Variants in TMEM132D observed in about 807,000 individuals in gnomAD.
TMEM132D encodes mature OL transmembrane protein.
In TMEM132D, 21 loss-of-function variants were observed where a neutral mutation model predicts 62.3. That is an observed-to-expected ratio of 0.34 (90% confidence interval 0.24 to 0.49). The LOEUF is 0.49. Ranked by LOEUF, TMEM132D falls within the 20% of genes least tolerant of loss-of-function variation. The probability of loss-of-function intolerance (pLI) is 0.99; values close to 1 mark genes in which losing one functional copy is unlikely to be tolerated. For synonymous variants in TMEM132D, 621 were observed against 575.6 expected, an observed-to-expected ratio of 1.08 and a Z score of -1.13; for missense variants, 1,346 against 1,402.8, an observed-to-expected ratio of 0.96 and a Z score of 0.65.
At chr12:129,203,964 C>T (rs10847794) in intron 5 of TMEM132D, among the ~76,000 whole-genome samples, 67,278 of 152,006 alleles carry the variant, frequency 0.44, 15,109 homozygotes, top group Middle Eastern at 0.55. Context: ...GCCAGTCAAC[C>T]GAACCCACCT....
intron 1 of TMEM132D, among the ~76,000 whole-genome samples, chr12:129,879,805 T>G (rs1874538541): frequency 6.6e-6 from 1 of 152,126 alleles, no homozygotes; most frequent in Non-Finnish European, 1.5e-5. Flanking sequence ...AAGAAATTAT[T>G]AATAATGGAA....
chr12:129,480,817 A>G (rs985802827), intron 3 of TMEM132D, among the ~76,000 whole-genome samples: 3 of 152,178 alleles, frequency 2.0e-5, no homozygotes, highest in Non-Finnish European at 2.9e-5. Context: ...TGTGTCCCCT[A>G]TGGCCCCGCA....
chr12:129,587,306 C>T (rs923926963), intron 2 of TMEM132D, among the ~76,000 whole-genome samples: 4 of 152,130 alleles, frequency 2.6e-5, no homozygotes, highest in African/African-American at 9.7e-5. Flanking sequence ...AATTAAATTC[C>T]ACATGTTCTC....
intron 1 of TMEM132D, among the ~76,000 whole-genome samples, chr12:129,900,478 G>A (rs934855873): frequency 2.0e-5 from 3 of 152,276 alleles, no homozygotes; most frequent in Non-Finnish European, 2.9e-5. Flanking sequence ...CGACACTGCC[G>A]CAGCCCCGCT....
intron 3 of TMEM132D, among the ~76,000 whole-genome samples, chr12:129,505,387 C>T (rs886233526): frequency 9.9e-5 from 15 of 152,070 alleles, no homozygotes; most frequent in South Asian, 4.2e-4. Context: ...GGACTACAGG[C>T]GCCTGCCACC....
chr12:129,822,910 C>T (rs963237), intron 1 of TMEM132D, among the ~76,000 whole-genome samples: 20,939 of 152,158 alleles, frequency 0.14, 2,150 homozygotes, highest in East Asian at 0.33. Context: ...TGGTTTGGCT[C>T]TGCGTTCCCA....
intron 5 of TMEM132D, among the ~76,000 whole-genome samples, chr12:129,114,158 T>C (rs1371625737): frequency 6.6e-6 from 1 of 152,196 alleles, no homozygotes; most frequent in African/African-American, 2.4e-5. Context: ...CAGCATTGCA[T>C]ACACTCTTGG....
chr12:129,747,204 T>TCCCTCCTCCCGCTCC (rs774135505), intron 1 of TMEM132D, among the ~76,000 whole-genome samples: 1 of 99,146 alleles, frequency 1.0e-5, no homozygotes, highest in African/African-American at 3.2e-5. Context: ...CCTCTCCTTC[T>TCCCTCCTCCCGCTCC]TACTCCTCCT....
chr12:129,301,929 C>T (rs895710712), intron 4 of TMEM132D, among the ~76,000 whole-genome samples: 2 of 151,646 alleles, frequency 1.3e-5, no homozygotes, highest in East Asian at 1.9e-4. Flanking sequence ...ATTTTAGGCA[C>T]GTACATTGGA....
chr12:129,388,741 C>T (rs946277820), intron 3 of TMEM132D, among the ~76,000 whole-genome samples: 2 of 114,754 alleles, frequency 1.7e-5, no homozygotes, highest in African/African-American at 6.6e-5. Context: ...AATATAAACA[C>T]TAACAGCAAC....
At chr12:129,781,763 C>T (rs546005666) in intron 1 of TMEM132D, among the ~76,000 whole-genome samples, 11 of 152,296 alleles carry the variant, frequency 7.2e-5, no homozygotes, top group Admixed American at 4.6e-4. Flanking sequence ...TTCATTGCAG[C>T]GTGGCTTCAC....
At chr12:129,420,193 G>A (rs895715638) in intron 3 of TMEM132D, among the ~76,000 whole-genome samples, 2 of 152,000 alleles carry the variant, frequency 1.3e-5, no homozygotes, top group South Asian at 2.1e-4. Flanking sequence ...TGCTCCCACC[G>A]ATGGTGTCCC....
At chr12:129,718,287 T>C (rs550584379) in intron 1 of TMEM132D, among the ~76,000 whole-genome samples, 5 of 152,320 alleles carry the variant, frequency 3.3e-5, no homozygotes, top group South Asian at 2.1e-4. Context: ...CATGCCCACC[T>C]GACCCTGGGG....
chr12:129,117,313 C>G (rs1277370501), intron 5 of TMEM132D, among the ~76,000 whole-genome samples: 4 of 151,944 alleles, frequency 2.6e-5, no homozygotes, highest in Non-Finnish European at 4.4e-5. Context: ...GAGGGGATTT[C>G]TAGGGCAGTG....
At chr12:129,155,965 ATAAC>A (rs1344364960) in intron 5 of TMEM132D, among the ~76,000 whole-genome samples, 1 of 152,112 alleles carries the variant, frequency 6.6e-6, no homozygotes, top group East Asian at 1.9e-4. Context: ...CACTCTCATG[ATAAC>A]TAACCCATCC....
intron 4 of TMEM132D, among the ~76,000 whole-genome samples, chr12:129,233,410 A>C (rs559161048): frequency 6.6e-6 from 1 of 152,254 alleles, no homozygotes; most frequent in South Asian, 2.1e-4. Context: ...TTTGAAAATT[A>C]TGTTCTACTG....
chr12:129,636,737 T>TGAGAGAGAGA (rs1555223034), intron 2 of TMEM132D, among the ~76,000 whole-genome samples: 19 of 113,630 alleles, frequency 1.7e-4, no homozygotes, highest in African/African-American at 6.0e-4. Flanking sequence ...TGTGTGTGTG[T>TGAGAGAGAGA]GAGAGAGAGA....
At chr12:129,853,751 T>C (rs1048037311) in intron 1 of TMEM132D, 2 of 152,140 alleles carry the variant, frequency 1.3e-5, no homozygotes, top group Admixed American at 1.3e-4. Context: ...GCCAGTGCCT[T>C]TGATCATTGG....
At chr12:129,636,623 C>T (rs1879484603) in intron 2 of TMEM132D, among the ~76,000 whole-genome samples, 1 of 151,120 alleles carries the variant, frequency 6.6e-6, no homozygotes, top group Non-Finnish European at 1.5e-5. Flanking sequence ...AAAGCAAAGA[C>T]TTTTGTCTAA....
Sources: allele counts gnomAD v4.1 joint callset (sites outside exome capture counted in the v4.1 genomes callset), GRCh38; gene constraint gnomAD v4.1.1; transcripts MANE v1.5; gene names NCBI Gene and HGNC (gene_info 2026-07-23, HGNC 2026-07-21).